ITGA7: variants seen among roughly 807,000 people sequenced by gnomAD.
ITGA7 encodes integrin subunit alpha 7.
ITGA7 carries 84 observed loss-of-function variants against 131.6 expected under a neutral mutation model. The observed-to-expected ratio is 0.64, with a 90% CI of 0.54 to 0.77. The LOEUF (loss-of-function observed/expected upper bound fraction) is 0.77. ITGA7 is among the 30% of genes least tolerant of loss of function. The pLI is 0.00. For missense variants in ITGA7, 1,399 were observed against 1,482.9 expected (o/e 0.94, Z 0.93); for synonymous variants, 548 against 600.7 (o/e 0.91, Z 1.28).
intron 1 of ITGA7, among the ~76,000 whole-genome samples, chr12:55,704,613 C>A (rs1214252149): frequency 6.6e-6 from 1 of 152,214 alleles, no homozygotes; most frequent in Non-Finnish European, 1.5e-5. Context: ...ATAGGCAAGT[C>A]ACATGCATTA....
intron 7 of ITGA7, 82 bp downstream of exon 7, chr12:55,698,301 G>T: frequency 7.7e-7 from 1 of 1,304,980 alleles, no homozygotes; most frequent in Non-Finnish European, 1.0e-6. Context: ...GTCCTCAGAA[G>T]ACCACACCCT....
At chr12:55,713,029 C>T (rs541486208), upstream of ITGA7, among the ~76,000 whole-genome samples, 2 of 151,712 alleles carry the variant, frequency 1.3e-5, no homozygotes, top group East Asian at 3.9e-4. Context: ...TTGAGACCCC[C>T]CCAACACTAA....
chr12:55,716,212 T>C (rs1317597056), upstream of ITGA7: 1 of 1,597,884 alleles, frequency 6.3e-7, no homozygotes, highest in Non-Finnish European at 8.5e-7. Context: ...CCAAATATCC[T>C]GTCGGCCGTT....
At chr12:55,707,176 T>C (rs1565644001) in intron 1 of ITGA7, among the ~76,000 whole-genome samples, 1 of 152,166 alleles carries the variant, frequency 6.6e-6, no homozygotes, top group Non-Finnish European at 1.5e-5. Flanking sequence ...CCAGAGGCCC[T>C]GGGGCTGGAT....
At chr12:55,693,915 T>A (rs1443809360) in intron 19 of ITGA7, 106 bp downstream of exon 19, 8 of 906,508 alleles carry the variant, frequency 8.8e-6, no homozygotes, top group Non-Finnish European at 1.4e-5. Context: ...TCAAACTGCA[T>A]GCTGCCACAT....
At chr12:55,702,698 ATTT>A (rs1376237152) in intron 3 of ITGA7, 171 bp downstream of exon 3, 6 of 658,400 alleles carry the variant, frequency 9.1e-6, no homozygotes, top group Non-Finnish European at 1.6e-5. Context: ...ACATTTTTAC[ATTT>A]ATAAGGACAA....
intron 1 of ITGA7, among the ~76,000 whole-genome samples, chr12:55,704,227 G>A (rs557116642): frequency 2.6e-5 from 4 of 152,332 alleles, no homozygotes; most frequent in African/African-American, 9.6e-5. Context: ...TGGGGGGCAA[G>A]GCCCAAAACC....
upstream of ITGA7, chr12:55,712,528 G>A (rs114620214): frequency 0.011 from 5,983 of 537,126 alleles, 241 homozygotes; most frequent in African/African-American, 0.095. Flanking sequence ...CTCAAAAGAA[G>A]AGGGAAATGA....
rs2136102331 is a variant in ITGA7, at chr12:55,707,536, G to A, written c.147C>T (p.Gly49=). ...GGGCCACAGAGAAGCCGAAGAGGCTGCCTGGCTCGCCCTCCTTGCGCAAGG... is the reference window on the plus strand; with the variant it reads ...GGGCCACAGAGAAGCCGAAGAGGCTACCTGGCTCGCCCTCCTTGCGCAAGG... ...MGALRKEGEP[G]SLFGFSVALH... Residue 49 remains glycine (G), a synonymous_variant, in exon 1 of 25, where the codon GGC becomes GGT. Coordinates refer to ENST00000257879, the MANE Select transcript of ITGA7 (RefSeq NM_002206.3). The A allele has an allele frequency of 6.2e-7, 1 of 1,614,030 alleles. No homozygotes were observed. The highest frequency in any genetic ancestry group is 8.5e-7 in the Non-Finnish European group (1 of 1,179,972).
At chr12:55,713,789 T>A (rs1457231506), upstream of ITGA7, among the ~76,000 whole-genome samples, 1 of 152,242 alleles carries the variant, frequency 6.6e-6, no homozygotes, top group Admixed American at 6.5e-5. Flanking sequence ...TCCTCACTAA[T>A]CCTTTGACAG....
rs1294710062 is a variant in ITGA7 at position 55,701,057 on chromosome 12, G to A, written c.512C>T (p.Ala171Val). The change falls in exon 4 of 25, where the codon GCC becomes GTC. Residue 171 changes from alanine (A) to valine (V), a missense_variant. By Grantham distance (64) the Ala-to-Val change is moderately conservative. Coordinates refer to ENST00000257879, the MANE Select transcript of ITGA7 (RefSeq NM_002206.3). ...CCCACCATCCAACTCATCCCGGATG[G>A]CCAGGTCCTGGCTGAGCACAAAGCA... is the stretch of plus-strand genomic sequence containing the variant. The part of the protein sequence containing the change: ...GRCFVLSQDL[A>V]IRDELDGGEW... 4 of 1,614,214 alleles carry A rather than the reference G, an allele frequency of 2.5e-6. No homozygotes were observed. The highest frequency in any genetic ancestry group is 3.4e-6 in the Non-Finnish European group (4 of 1,180,042).
chr12:55,705,549 G>C (rs1333244149), intron 1 of ITGA7, among the ~76,000 whole-genome samples: 1 of 152,230 alleles, frequency 6.6e-6, no homozygotes, highest in Non-Finnish European at 1.5e-5. Context: ...GTGGCCCTCT[G>C]GGGAGGATGC....
Position 55,696,908 on chromosome 12 carries a change from G to A in ITGA7, c.1728C>T (p.Phe576=). The A allele has an allele frequency of 6.2e-7, 1 of 1,614,168 alleles. No homozygotes were observed. Among genetic ancestry groups the A allele is most frequent in the Non-Finnish European group, 8.5e-7 (1 of 1,180,018 alleles). Residue 576 remains phenylalanine, a synonymous_variant, in exon 12 of 25, where the codon TTC becomes TTT. Coordinates refer to ENST00000257879, the MANE Select transcript of ITGA7 (RefSeq NM_002206.3). ...AGGGGTCAGTGTCCACCTGGAGCTG[G>A]AACATGGCGTCTCCACAGACTCGGT... The part of the protein sequence containing the change: ...QHDRVCGDAM[F]QLQENVKDKL...
intron 21 of ITGA7, among the ~76,000 whole-genome samples, chr12:55,690,236 A>G (rs1871138173): frequency 6.6e-6 from 1 of 152,222 alleles, no homozygotes; most frequent in Non-Finnish European, 1.5e-5. Flanking sequence ...ACAAAGGGCT[A>G]ATATCCAGAA....
chr12:55,716,139 C>A (rs1362300884), upstream of ITGA7: 1 of 1,611,718 alleles, frequency 6.2e-7, no homozygotes, highest in African/African-American at 1.3e-5. Context: ...CGTGACCATG[C>A]TGTCCCGCCT....
At position 55,698,150 on chromosome 12, in the gene ITGA7, G is replaced by A. The variant is rs934533741; in HGVS notation, c.1193-124C>T. 4 of 976,538 alleles carry A rather than the reference G, an allele frequency of 4.1e-6. No individual in the cohort carries two copies. The Admixed American group carries it at 7.7e-5, about 19-fold the overall frequency. 60.5% of individuals were successfully genotyped at this position (976,538 alleles called of 1,614,324 possible). A position where few individuals can be genotyped will look rare whatever the true frequency, so the allele number is the denominator to read the frequency against. On this transcript the variant is annotated intron_variant, in intron 7 of 24. Coordinates refer to ENST00000257879, the MANE Select transcript of ITGA7 (RefSeq NM_002206.3). ...TTATTGAGAGGCTACAAAATCCCAG[G>A]CACTCTACATACATCATCTTTAATC...
Position 55,707,729 on chromosome 12 carries a change from C to G in ITGA7, c.-47G>C. The G allele has an allele frequency of 1.3e-6, 2 of 1,551,512 alleles. No individual in the cohort carries two copies. The highest frequency in any genetic ancestry group is 1.7e-6 in the Non-Finnish European group (2 of 1,147,168). ...CCCAGCGAATGCAAGGGAAATCTCG[C>G]ACGCCCCAAGCCCCAGGTCCCCCCA... On this transcript the variant is annotated 5_prime_UTR_variant, in exon 1 of 25. Transcript: ENST00000257879.
intron 3 of ITGA7, among the ~76,000 whole-genome samples, chr12:55,701,727 T>C (rs1261031451): frequency 1.3e-5 from 2 of 151,980 alleles, no homozygotes; most frequent in East Asian, 3.9e-4. Flanking sequence ...ACTACAGGCA[T>C]GCACCACCAT....
rs1872584525 is a variant in ITGA7, at chr12:55,696,206, T to C, written c.1887+77A>G. 4 of 1,448,528 alleles carry C rather than the reference T, an allele frequency of 2.8e-6. No homozygotes were observed. In the East Asian group the frequency reaches 9.9e-5, roughly 36 times the overall value. 89.7% of individuals were successfully genotyped at this position (1,448,528 alleles called of 1,614,324 possible). A position where few individuals can be genotyped will look rare whatever the true frequency, so the allele number is the denominator to read the frequency against. ...GTGAAAGGGCTCTGTGAGCTGTGAA[T>C]TGGTGTCACTGGGGAGGGACCATGA... On this transcript the variant is annotated intron_variant, in intron 13 of 24. Transcript: ENST00000257879.
Sources: gnomAD v4.1 joint callset for allele counts (sites outside exome capture counted in the v4.1 genomes callset) on GRCh38, gnomAD v4.1.1 for gene constraint, MANE v1.5 for transcripts, NCBI Gene and HGNC (gene_info 2026-07-23, HGNC 2026-07-21) for gene names.